CSNK1G2: variants seen among roughly 807,000 people sequenced by gnomAD.
CSNK1G2 encodes casein kinase 1 gamma 2.
Under a neutral mutation model 48.0 loss-of-function variants are expected in CSNK1G2, and 11 were observed. That is an observed-to-expected ratio of 0.23 (90% CI 0.14 to 0.38). CSNK1G2 has a LOEUF of 0.38. Among genes scored for constraint, CSNK1G2 ranks in the 10% least tolerant of loss-of-function variants. CSNK1G2 has a pLI of 1.00. For missense variants in CSNK1G2, 446 were observed against 595.5 expected (o/e 0.75, Z 2.61); for synonymous variants, 337 against 254.1 (o/e 1.33, Z -3.10).
chr19:1,962,892 T>G (rs1393570402), intron 1 of CSNK1G2, among the ~76,000 whole-genome samples: 1 of 152,078 alleles, frequency 6.6e-6, no homozygotes, highest in African/African-American at 2.4e-5. Flanking sequence ...GACGCCGCCG[T>G]GGACTCCAGC....
At position 1,980,372 on chromosome 19, in the gene CSNK1G2, CG is replaced by C. The variant is rs778005116; in HGVS notation, c.*170del. The C allele has an allele frequency of 2.8e-5, 21 of 760,900 alleles. No individual in the cohort carries two copies. Among genetic ancestry groups the C allele is most frequent in the Non-Finnish European group, 4.4e-5 (20 of 450,088 alleles). The allele number at this position is 760,900 out of a possible 1,614,324, so 47.1% of individuals were successfully genotyped here. On this transcript the variant is annotated 3_prime_UTR_variant, in exon 12 of 12. Transcript: ENST00000255641. ...GGCTCAGGCGGCCCCACCCCCGGGA[CG>C]TGGGGTCACTTCCTTCATGTAAGAC... is the stretch of plus-strand genomic sequence containing the variant.
chr19:1,976,898 C>A (rs1441082461), intron 2 of CSNK1G2, among the ~76,000 whole-genome samples: 1 of 152,144 alleles, frequency 6.6e-6, no homozygotes, highest in African/African-American at 2.4e-5. Flanking sequence ...CATCACCATG[C>A]CAGGCTAATT....
intron 1 of CSNK1G2, among the ~76,000 whole-genome samples, chr19:1,967,630 C>T (rs1163470615): frequency 2.0e-5 from 3 of 152,056 alleles, no homozygotes; most frequent in African/African-American, 7.3e-5. Context: ...CCCGAGCGTC[C>T]AGTTAACACC....
intron 1 of CSNK1G2, among the ~76,000 whole-genome samples, chr19:1,956,327 T>C (rs1235491514): frequency 6.6e-6 from 1 of 152,156 alleles, no homozygotes; most frequent in African/African-American, 2.4e-5. Flanking sequence ...ATTTGGTGCT[T>C]TTTGTTCTGC....
intron 11 of CSNK1G2, 41 bp downstream of exon 11, chr19:1,980,058 C>T (rs766421968): frequency 1.3e-6 from 2 of 1,589,286 alleles, no homozygotes; most frequent in African/African-American, 1.3e-5. Flanking sequence ...GTGGGGGTGC[C>T]CTGGGTCCCC....
intron 2 of CSNK1G2, chr19:1,976,154 G>A (rs1167585326): frequency 4.1e-6 from 5 of 1,224,462 alleles, no homozygotes; most frequent in Non-Finnish European, 5.4e-6. Flanking sequence ...TTGGGTGTTT[G>A]GGGCACGGCT....
rs190618242 is a variant in CSNK1G2, at chr19:1,941,232, C to T, written c.-452C>T. 1,812 of 146,384 alleles carry T rather than the reference C, an allele frequency of 0.012. 34 individuals are homozygous for T. Among genetic ancestry groups the T allele is most frequent in the Admixed American group, 0.045 (660 of 14,736 alleles). The allele number at this position is 146,384 out of a possible 1,614,324, so 9.1% of individuals were successfully genotyped here. On this transcript the variant is annotated 5_prime_UTR_variant, in exon 1 of 12. Coordinates refer to ENST00000255641, the MANE Select transcript of CSNK1G2 (RefSeq NM_001319.7). ...CGGGCGCGGCGGAGCGCGGCGAGCCCGGCGCCTCCCGTCCCGAACATGCGG... is the reference window on the plus strand; with the variant it reads ...CGGGCGCGGCGGAGCGCGGCGAGCCTGGCGCCTCCCGTCCCGAACATGCGG...
At chr19:1,941,976 T>A (rs1300751097) in intron 1 of CSNK1G2, among the ~76,000 whole-genome samples, 3 of 151,302 alleles carry the variant, frequency 2.0e-5, no homozygotes, top group Non-Finnish European at 4.4e-5. Context: ...CGCCTCCTCC[T>A]GTCTTGGCCT....
chr19:1,951,915 C>T (rs910086003), intron 1 of CSNK1G2, among the ~76,000 whole-genome samples: 2 of 152,134 alleles, frequency 1.3e-5, no homozygotes, highest in African/African-American at 4.8e-5. Flanking sequence ...CTCCTGACCT[C>T]GTGATCCACC....
rs1788360712 is a variant in CSNK1G2, at chr19:1,978,157, G to A, written c.188-148G>A. 5.0e-6 allele frequency: 4 copies of A among 804,002 alleles called. No individual in the cohort carries two copies. Among genetic ancestry groups the A allele is most frequent in the South Asian group, 4.6e-5 (3 of 64,588 alleles). 49.8% of individuals were successfully genotyped at this position (804,002 alleles called of 1,614,324 possible). On this transcript the variant is annotated intron_variant, in intron 2 of 11. Coordinates refer to ENST00000255641, the MANE Select transcript of CSNK1G2 (RefSeq NM_001319.7). This position sits in a 1 kb window ranked among gnomAD's most constrained non-coding sequence, Gnocchi z 7.3. ...CCATGGTGCAGTGCTCTGGCAGGCT[G>A]GGCCCAGGCCCTGCTGCTGGGCAGT...
intron 1 of CSNK1G2, among the ~76,000 whole-genome samples, chr19:1,948,395 C>A (rs545155471): frequency 5.1e-4 from 77 of 152,174 alleles, no homozygotes; most frequent in Non-Finnish European, 1.1e-3. Context: ...CGGTGGCAGG[C>A]GCCTGTACTC....
intron 2 of CSNK1G2, among the ~76,000 whole-genome samples, chr19:1,970,272 T>C (rs1004642890): frequency 5.9e-5 from 9 of 152,244 alleles, no homozygotes; most frequent in Non-Finnish European, 1.5e-5. Context: ...ATGACTTTCA[T>C]GGCCCATGTG....
chr19:1,977,780 C>T (rs967656656), intron 2 of CSNK1G2, among the ~76,000 whole-genome samples: 2 of 148,532 alleles, frequency 1.3e-5, no homozygotes, highest in Non-Finnish European at 3.0e-5. Context: ...AGGTTCTGGG[C>T]CTCGTACCTT....
intron 2 of CSNK1G2, chr19:1,975,246 C>T: frequency 3.0e-6 from 3 of 985,482 alleles, no homozygotes; most frequent in Non-Finnish European, 3.6e-6. Context: ...GCCTGCCCGT[C>T]AGGGAGCCAC....
intron 2 of CSNK1G2, among the ~76,000 whole-genome samples, chr19:1,971,576 A>G (rs941687479): frequency 1.3e-5 from 2 of 152,214 alleles, no homozygotes; most frequent in African/African-American, 4.8e-5. Flanking sequence ...CACAGCCACA[A>G]CCACGCATAC....
chr19:1,980,212 G>GCGTGCAGCCCCCTGAATCTTCTC lies in CSNK1G2; in HGVS notation c.*21_*43dup. 1.2e-6 allele frequency: 2 copies of GCGTGCAGCCCCCTGAATCTTCTC among 1,612,770 alleles called. No homozygotes were observed. Among genetic ancestry groups the GCGTGCAGCCCCCTGAATCTTCTC allele is most frequent in the Non-Finnish European group, 1.7e-6 (2 of 1,179,768 alleles). On this transcript the variant is annotated 3_prime_UTR_variant, in exon 12 of 12. Coordinates refer to ENST00000255641, the MANE Select transcript of CSNK1G2 (RefSeq NM_001319.7). ...TGCAGCGACACAAGTGACCCTGGGC[G>GCGTGCAGCCCCCTGAATCTTCTC]CGTGCAGCCCCCTGAATCTTCTCCG...
chr19:1,980,279 C>G lies in CSNK1G2; in HGVS notation c.*76C>G. On this transcript the variant is annotated 3_prime_UTR_variant, in exon 12 of 12. Coordinates refer to ENST00000255641, the MANE Select transcript of CSNK1G2 (RefSeq NM_001319.7). Reference sequence around the variant, plus strand: ...GCGACCTTGTGCGAGGCCCTCGGGGCCCACCCACAGCGGCCCAGGGCCAGA... The same window carrying G: ...GCGACCTTGTGCGAGGCCCTCGGGGGCCACCCACAGCGGCCCAGGGCCAGA... The G allele has an allele frequency of 6.4e-7, 1 of 1,562,208 alleles. No homozygotes were observed. The highest frequency in any genetic ancestry group is 8.8e-7 in the Non-Finnish European group (1 of 1,137,134).
At position 1,960,199 on chromosome 19, in the gene CSNK1G2, T is replaced by A. The variant is rs570505108; in HGVS notation, c.-265-9309T>A. On this transcript the variant is annotated intron_variant, in intron 1 of 11. Transcript: ENST00000255641. Reference sequence around the variant, plus strand: ...AAAGGCGTCCTGCTTAGGAGATAGGTACATCCGGGACCTGGGGCCTTCTCG... The same window carrying A: ...AAAGGCGTCCTGCTTAGGAGATAGGAACATCCGGGACCTGGGGCCTTCTCG... Among the ~76,000 whole-genome samples the A allele has an allele frequency of 4.1e-4, 62 of 152,292 alleles. 1 individual carries two copies. Among genetic ancestry groups the A allele is most frequent in the Admixed American group, 2.1e-3 (32 of 15,296 alleles).
chr19:1,944,514 C>T (rs189250869), intron 1 of CSNK1G2, among the ~76,000 whole-genome samples: 24 of 152,298 alleles, frequency 1.6e-4, no homozygotes, highest in Admixed American at 9.8e-4. Flanking sequence ...TCTGGTCACC[C>T]GCCGTGCCAG....
Sources: gnomAD v4.1 joint callset for allele counts (sites outside exome capture counted in the v4.1 genomes callset) on GRCh38, gnomAD v4.1.1 for gene constraint, Gnocchi (gnomAD v3.1) non-coding constraint, MANE v1.5 for transcripts, NCBI Gene and HGNC (gene_info 2026-07-23, HGNC 2026-07-21) for gene names.